Variants in HEMGN observed in about 807,000 individuals in gnomAD.
HEMGN encodes erythroid differentiation-associated gene protein.
HEMGN carries 32 observed loss-of-function variants against 45.7 expected under a neutral mutation model. The observed-to-expected ratio is 0.70, with a 90% CI of 0.53 to 0.94. The LOEUF (loss-of-function observed/expected upper bound fraction) is 0.94. Ranked by LOEUF, HEMGN falls within the 40% of genes least tolerant of loss-of-function variation. HEMGN has a pLI of 0.00. For synonymous variants in HEMGN, 183 were observed against 178.6 expected (o/e 1.02, Z -0.20); for missense variants, 530 against 564.2 (o/e 0.94, Z 0.61).
At chr9:97,942,489 A>G (rs1458409792), upstream of HEMGN, among the ~76,000 whole-genome samples, 1 of 151,710 alleles carries the variant, frequency 6.6e-6, no homozygotes, top group African/African-American at 2.4e-5. Context: ...GTTTTGACAC[A>G]TTGCCCAGGC....
At chr9:97,929,033 A>C (rs1826890234) in intron 3 of HEMGN, among the ~76,000 whole-genome samples, 2 of 152,224 alleles carry the variant, frequency 1.3e-5, no homozygotes, top group Admixed American at 1.3e-4. Flanking sequence ...CTACTTTTAT[A>C]ATCAGGAAAA....
upstream of HEMGN, among the ~76,000 whole-genome samples, chr9:97,942,728 G>C (rs1301374177): frequency 6.6e-6 from 1 of 152,166 alleles, no homozygotes; most frequent in Non-Finnish European, 1.5e-5. Context: ...ATGAAGGAGG[G>C]AGGAAACACA....
chr9:97,939,925 T>C (rs985151577), upstream of HEMGN, among the ~76,000 whole-genome samples: 2 of 152,234 alleles, frequency 1.3e-5, no homozygotes, highest in African/African-American at 4.8e-5. Context: ...CATTATTTGC[T>C]TGAAAATTTT....
chr9:97,942,955 A>G (rs778209492), upstream of HEMGN, among the ~76,000 whole-genome samples: 31 of 152,208 alleles, frequency 2.0e-4, no homozygotes, highest in Non-Finnish European at 3.7e-4. Flanking sequence ...TTGTCATGCC[A>G]TAGTCAGAGA....
chr9:97,938,566 C>T (rs1009247690), upstream of HEMGN, among the ~76,000 whole-genome samples: 8 of 152,174 alleles, frequency 5.3e-5, no homozygotes, highest in Non-Finnish European at 1.0e-4. Context: ...CAGGGCAAGT[C>T]ACCTCCCTTT....
intron 3 of HEMGN, 147 bp downstream of exon 3, chr9:97,929,888 G>A: frequency 1.5e-6 from 1 of 663,256 alleles, no homozygotes; most frequent in Non-Finnish European, 2.6e-6. Flanking sequence ...GACGTTGGTT[G>A]CATGAAAATA....
rs370935913 is a variant in HEMGN, at chr9:97,931,135, T to G, written c.260A>C (p.Glu87Ala). 4 of 1,614,016 alleles carry G rather than the reference T, an allele frequency of 2.5e-6. No individual in the cohort carries two copies. The African/African-American group carries it at 4.0e-5, about 16-fold the overall frequency. Residue 87 changes from glutamate (E) to alanine (A), a missense_variant, in exon 3 of 4, where the codon GAG becomes GCG. Coordinates refer to ENST00000616898, the MANE Select transcript of HEMGN (RefSeq NM_197978.3). ...TTCCTTTTCTATCTGTGGCTGAGGC[T>G]CCACCTTCAATTCTGTGTTTTGTTG... ...KRQQNTELKV[E>A]PQPQIEKEIV...
rs983103095 is a variant in HEMGN at position 97,926,874 on chromosome 9, C to A, written c.*510G>T. 2 of 152,488 alleles carry A rather than the reference C, an allele frequency of 1.3e-5. No homozygotes were observed. The highest frequency in any genetic ancestry group is 2.9e-5 in the Non-Finnish European group (2 of 67,976). 9.4% of individuals were successfully genotyped at this position (152,488 alleles called of 1,614,324 possible). ...AAAATAGAAAATCAAAATTCAAATA[C>A]AAAAGTAAACTACATTCATCACTCC... On this transcript the variant is annotated 3_prime_UTR_variant, in exon 4 of 4. Coordinates refer to ENST00000616898, the MANE Select transcript of HEMGN (RefSeq NM_197978.3).
chr9:97,934,084 C>T (rs974673163), intron 2 of HEMGN, among the ~76,000 whole-genome samples: 3 of 152,296 alleles, frequency 2.0e-5, no homozygotes, highest in East Asian at 1.9e-4. Context: ...CAGTGGCTCA[C>T]GCCTGTAATC....
At chr9:97,933,075 A>G (rs1027895910) in intron 2 of HEMGN, among the ~76,000 whole-genome samples, 15 of 152,180 alleles carry the variant, frequency 9.9e-5, no homozygotes, top group South Asian at 6.2e-4. Flanking sequence ...AAAAAATGCA[A>G]AAAATACCTA....
At chr9:97,931,929 T>C (rs1375202620) in intron 2 of HEMGN, among the ~76,000 whole-genome samples, 1 of 152,302 alleles carries the variant, frequency 6.6e-6, no homozygotes, top group East Asian at 1.9e-4. Context: ...TTGCAGCCAG[T>C]GACAAATTGT....
At chr9:97,936,380 A>T in intron 1 of HEMGN, 116 bp from the exon 2 acceptor site, 1 of 702,052 alleles carries the variant, frequency 1.4e-6, no homozygotes. Context: ...CTTTTTGAGG[A>T]CAAGGACTGC....
intron 1 of HEMGN, 148 bp downstream of exon 1, chr9:97,937,910 A>G (rs904881297): frequency 3.4e-6 from 2 of 588,830 alleles, no homozygotes; most frequent in African/African-American, 3.8e-5. Flanking sequence ...TACCACAGCC[A>G]TCGAATGAAA....
upstream of HEMGN, among the ~76,000 whole-genome samples, chr9:97,940,307 C>G (rs1244098665): frequency 6.6e-6 from 1 of 152,130 alleles, no homozygotes; most frequent in East Asian, 1.9e-4. Context: ...ATAATAGATT[C>G]TTTATATCCT....
chr9:97,938,335 C>T, upstream of HEMGN: 1 of 563,282 alleles, frequency 1.8e-6, no homozygotes, highest in African/African-American at 1.9e-5. Context: ...TCACACTGCA[C>T]AGGTGTGAGT....
In HEMGN at chr9:97,930,909, T is replaced by A. The variant is rs565474361; in HGVS notation, c.486A>T (p.Thr162=). The A allele has an allele frequency of 6.2e-7, 1 of 1,614,198 alleles. No individual in the cohort carries two copies. Among genetic ancestry groups the A allele is most frequent in the Non-Finnish European group, 8.5e-7 (1 of 1,180,010 alleles). Residue 162 remains threonine, a synonymous_variant, in exon 3 of 4, where the codon ACA becomes ACT. Coordinates refer to ENST00000616898, the MANE Select transcript of HEMGN (RefSeq NM_197978.3). ...CTTCAGGTTCAGACACATGTTGGCA[T>A]GTTTCAGAAGAATGGTTTTGTACTG... is the stretch of plus-strand genomic sequence containing the variant. ...EIAVQNHSSE[T]CQHVSEPEDL...
At chr9:97,931,272 A>G in intron 2 of HEMGN, 51 bp from the exon 3 acceptor site, 1 of 1,391,278 alleles carries the variant, frequency 7.2e-7, no homozygotes, top group Non-Finnish European at 9.8e-7. Flanking sequence ...GAATTCAAAT[A>G]AATGCTTGTA....
intron 2 of HEMGN, among the ~76,000 whole-genome samples, chr9:97,934,910 T>C (rs1827029635): frequency 6.6e-6 from 1 of 152,206 alleles, no homozygotes; most frequent in Non-Finnish European, 1.5e-5. Context: ...ACCTGAGCTC[T>C]GAGCCAGCGG....
intron 2 of HEMGN, 114 bp downstream of exon 2, chr9:97,936,057 A>C: frequency 2.7e-6 from 2 of 741,808 alleles, no homozygotes; most frequent in Non-Finnish European, 4.6e-6. Context: ...ACCATGTCTG[A>C]TTTACAGGAT....
Sources: gnomAD v4.1 joint callset for allele counts (sites outside exome capture counted in the v4.1 genomes callset) on GRCh38, gnomAD v4.1.1 for gene constraint, MANE v1.5 for transcripts, NCBI Gene and HGNC (gene_info 2026-07-23, HGNC 2026-07-21) for gene names.